The following ZNF536 variants were observed in gnomAD, a reference collection of about 807,000 sequenced individuals.
ZNF536 encodes zinc finger protein 536.
A neutral mutation model predicts 84.5 loss-of-function variants in ZNF536; 13 were observed. That is an observed-to-expected ratio of 0.15 (90% CI 0.10 to 0.24). The LOEUF is 0.24. Among genes scored for constraint, ZNF536 ranks in the 10% least tolerant of loss-of-function variants. The pLI, the probability that ZNF536 is intolerant of heterozygous loss-of-function variation, is 1.00. For missense variants in ZNF536, 1,536 were observed against 1,747.5 expected, an observed-to-expected ratio of 0.88 and a Z score of 2.16; for synonymous variants, 811 against 742.5, an observed-to-expected ratio of 1.09 and a Z score of -1.50.
At chr19:30,519,310 G>A (rs1056456179) in intron 2 of ZNF536, among the ~76,000 whole-genome samples, 6 of 152,168 alleles carry the variant, frequency 3.9e-5, no homozygotes, top group African/African-American at 1.4e-4. Flanking sequence ...GGGCAGGTGT[G>A]GACAGGGAAG....
chr19:30,343,483 G>A (rs1050614413), intron 2 of ZNF536, among the ~76,000 whole-genome samples: 3 of 152,172 alleles, frequency 2.0e-5, no homozygotes, highest in Non-Finnish European at 4.4e-5. Context: ...CTTGACCTGG[G>A]TGAGGCTCCG....
intron 3 of ZNF536, among the ~76,000 whole-genome samples, chr19:30,363,071 G>A (rs1477425405): frequency 1.3e-5 from 2 of 151,234 alleles, no homozygotes; most frequent in Non-Finnish European, 2.9e-5. Flanking sequence ...AAAAAAAAAA[G>A]TGTGAGAGAA....
At chr19:30,586,137 CTG>C (rs976253491) in intron 1 of ZNF536, among the ~76,000 whole-genome samples, 27 of 152,342 alleles carry the variant, frequency 1.8e-4, no homozygotes, top group African/African-American at 6.3e-4. Context: ...ATTTCTAAGA[CTG>C]AGTTTTATCA....
chr19:30,481,225 C>T (rs920939912), intron 2 of ZNF536, among the ~76,000 whole-genome samples: 2 of 152,178 alleles, frequency 1.3e-5, no homozygotes, highest in African/African-American at 4.8e-5. Flanking sequence ...TCACTTAACA[C>T]ATCTATGCAT....
chr19:30,264,386 GTTGTGCCTC>G (rs2025387551), intron 1 of ZNF536, among the ~76,000 whole-genome samples: 1 of 108,962 alleles, frequency 9.2e-6, no homozygotes, highest in South Asian at 4.1e-4. Context: ...GCCCCCCGCA[GTTGTGCCTC>G]TGTGTGTGTG....
At chr19:30,347,780 C>G (rs1031414741) in intron 2 of ZNF536, among the ~76,000 whole-genome samples, 1 of 152,192 alleles carries the variant, frequency 6.6e-6, no homozygotes, top group Admixed American at 6.5e-5. Context: ...ATATTCCTAT[C>G]TCCCCTTTCC....
At chr19:30,339,263 G>A (rs918203793) in intron 2 of ZNF536, among the ~76,000 whole-genome samples, 4 of 152,190 alleles carry the variant, frequency 2.6e-5, no homozygotes, top group African/African-American at 9.7e-5. Flanking sequence ...TGGGCCAGGT[G>A]CTCTTTGGGG....
At chr19:30,463,753 C>T (rs1057092911) in intron 2 of ZNF536, among the ~76,000 whole-genome samples, 2 of 152,146 alleles carry the variant, frequency 1.3e-5, no homozygotes, top group East Asian at 1.9e-4. Flanking sequence ...GGCCTGCCAC[C>T]GTAGACTTTT....
At chr19:30,359,333 C>T (rs969339579) in intron 3 of ZNF536, among the ~76,000 whole-genome samples, 7 of 152,148 alleles carry the variant, frequency 4.6e-5, no homozygotes, top group East Asian at 1.9e-4. Context: ...GAGCTGCCCC[C>T]GGGACAGCCT....
chr19:30,539,309 G>A (rs1163359095), intron 3 of ZNF536, among the ~76,000 whole-genome samples: 2 of 152,136 alleles, frequency 1.3e-5, no homozygotes, highest in African/African-American at 2.4e-5. Context: ...AGACAGCCAG[G>A]CAAAGCGAGT....
chr19:30,383,535 C>G (rs1043518577), intron 1 of ZNF536, among the ~76,000 whole-genome samples: 1 of 22 alleles, frequency 0.045, no homozygotes, highest in African/African-American at 0.1. Context: ...ACCTGCATGC[C>G]TGTGGCCCAG....
At chr19:30,400,146 T>A (rs770906431) in intron 1 of ZNF536, among the ~76,000 whole-genome samples, 2 of 152,208 alleles carry the variant, frequency 1.3e-5, no homozygotes, top group African/African-American at 4.8e-5. Context: ...CTTTTTTTTT[T>A]TTCCAGAATT....
intron 1 of ZNF536, among the ~76,000 whole-genome samples, chr19:30,262,555 G>A (rs2025283055): frequency 6.6e-6 from 1 of 152,216 alleles, no homozygotes; most frequent in Admixed American, 6.5e-5. Flanking sequence ...GCCTCTGCGT[G>A]TGCTGCCCCA....
chr19:30,477,842 C>T (rs1357869307), intron 2 of ZNF536, among the ~76,000 whole-genome samples: 1 of 152,210 alleles, frequency 6.6e-6, no homozygotes, highest in African/African-American at 2.4e-5. Context: ...TCCTTCATCT[C>T]AGGGGATCCT....
chr19:30,576,142 TC>T (rs1183435727), intron 1 of ZNF536, among the ~76,000 whole-genome samples: 1 of 152,216 alleles, frequency 6.6e-6, no homozygotes, highest in Non-Finnish European at 1.5e-5. Context: ...CCCTGGCTTT[TC>T]CACCAGGCAG....
chr19:30,667,374 G>C (rs911073666), intron 1 of ZNF536, among the ~76,000 whole-genome samples: 4 of 152,292 alleles, frequency 2.6e-5, no homozygotes, highest in African/African-American at 9.6e-5. Flanking sequence ...GTTGGCCCTT[G>C]GGTGCAGGGA....
In ZNF536 at chr19:30,601,951, CAAGGGCATTGAAAA is replaced by C. The variant is rs1466365389; in HGVS notation, c.169+52438_169+52451del. Among the ~76,000 whole-genome samples, 3 of 152,188 alleles carry C rather than the reference CAAGGGCATTGAAAA, an allele frequency of 2.0e-5. No homozygotes were observed. In the East Asian group the frequency reaches 5.8e-4, roughly 29 times the overall value. On this transcript the variant is annotated intron_variant, in intron 1 of 1. Transcript: ENST00000592773. ...TGTTTCATGCCTTTGCCATGTGGCT[CAAGGGCATTGAAAA>C]CGTCCTCTCCCCACAGTCATTGGGA...
chr19:30,508,939 C>T (rs1243826386), intron 2 of ZNF536, among the ~76,000 whole-genome samples: 1 of 149,896 alleles, frequency 6.7e-6, no homozygotes, highest in African/African-American at 2.5e-5. Flanking sequence ...GCAATCCTCC[C>T]ACCTTAACCT....
chr19:30,307,230 T>A (rs1357501716), intron 2 of ZNF536, among the ~76,000 whole-genome samples: 1 of 152,052 alleles, frequency 6.6e-6, no homozygotes. Flanking sequence ...GATGTTAAAA[T>A]AACTTAAATA....
Sources: gnomAD v4.1 joint callset for allele counts (sites outside exome capture counted in the v4.1 genomes callset) on GRCh38, gnomAD v4.1.1 for gene constraint, MANE v1.5 for transcripts, NCBI Gene and HGNC (gene_info 2026-07-23, HGNC 2026-07-21) for gene names.